The following LAMB4 variants were observed in gnomAD, a reference collection of about 807,000 sequenced individuals.
LAMB4 encodes the protein laminin subunit beta 4.
In LAMB4, 196 loss-of-function variants were observed where a neutral mutation model predicts 199.2. The observed-to-expected ratio is 0.98, with a 90% CI of 0.88 to 1.11. The LOEUF (loss-of-function observed/expected upper bound fraction) is 1.11. Ranked by LOEUF, LAMB4 falls within the 50% of genes least tolerant of loss-of-function variation. The pLI is 0.00. For missense variants in LAMB4, 2,080 were observed against 2,171.2 expected (o/e 0.96, Z 0.83); for synonymous variants, 744 against 770.6 (o/e 0.97, Z 0.57).
At chr7:108,048,158 C>CTTTT (rs747991620) in intron 27 of LAMB4, 47 bp from the exon 28 acceptor site, 280 of 463,194 alleles carry the variant, frequency 6.0e-4, no homozygotes, top group African/African-American at 5.9e-3. Context: ...GTTGTCAGAG[C>CTTTT]TTTTTTTTTT....
chr7:108,073,039 C>A (rs909080387), intron 17 of LAMB4, among the ~76,000 whole-genome samples: 1 of 152,208 alleles, frequency 6.6e-6, no homozygotes, highest in African/African-American at 2.4e-5. Context: ...GAGTCTTGCT[C>A]TGCTGCCCAG....
chr7:108,078,902 G>C (rs1392824811), intron 15 of LAMB4, among the ~76,000 whole-genome samples: 1 of 152,208 alleles, frequency 6.6e-6, no homozygotes, highest in Non-Finnish European at 1.5e-5. Context: ...TTTCAAAGCA[G>C]ATCAGCTGCT....
At chr7:108,072,442 T>A (rs957032908) in intron 17 of LAMB4, among the ~76,000 whole-genome samples, 1 of 152,244 alleles carries the variant, frequency 6.6e-6, no homozygotes, top group African/African-American at 2.4e-5. Flanking sequence ...AAGTCATGTA[T>A]GCAGATAGGC....
In LAMB4 at chr7:108,066,494, C is replaced by G. The variant is rs777749401; in HGVS notation, c.2553G>C (p.Leu851=). ...EVSGRRCDRC[L]AGYFGFPSCH... ...AGCTGGGAAATCCAAAGTAGCCTGC[C>G]AGGCAGCGATCACAGCGGCGGCCAG... Residue 851 remains leucine (L), a synonymous_variant, in exon 20 of 34, where the codon CTG becomes CTC. Coordinates refer to ENST00000388781, the MANE Select transcript of LAMB4 (RefSeq NM_007356.3). The G allele has an allele frequency of 1.2e-6, 2 of 1,614,150 alleles. No homozygotes were observed. The highest frequency in any genetic ancestry group is 1.7e-6 in the Non-Finnish European group (2 of 1,180,018).
chr7:108,062,659 T>C (rs2036203542), intron 23 of LAMB4, 115 bp downstream of exon 23: 3 of 557,868 alleles, frequency 5.4e-6, no homozygotes, highest in African/African-American at 2.0e-5. Flanking sequence ...GCCAATCCTG[T>C]TTCAATGCAC....
In LAMB4 at chr7:108,049,399, G is replaced by T. The variant is rs10260756; in HGVS notation, c.4049C>A (p.Thr1350Asn). The change falls in exon 27 of 34, where the codon ACC becomes AAC. Residue 1350 changes from threonine to asparagine, a missense_variant. Transcript: ENST00000388781. ...TTCCAATGACAAGTTTCCTTTTGAG[G>T]TTAGTGTATCTAAGATGGTAAGTAA... is the stretch of plus-strand genomic sequence containing the variant. ...NDLLTILDTL[T>N]SKGNLSLERL... 61,766 of 1,592,744 alleles carry T rather than the reference G, an allele frequency of 0.039. 11,783 individuals are homozygous for T. The African/African-American group carries it at 0.55, about 14-fold the overall frequency.
At chr7:108,066,658 A>G in intron 19 of LAMB4, 58 bp from the exon 20 acceptor site, 1 of 1,134,790 alleles carries the variant, frequency 8.8e-7, no homozygotes. Flanking sequence ...TGGTGGTGAA[A>G]GAGTTACAGT....
chr7:108,048,157 GC>G, intron 27 of LAMB4, 46 bp from the exon 28 acceptor site: 19 of 649,482 alleles, frequency 2.9e-5, no homozygotes, highest in Admixed American at 9.4e-5. Context: ...TGTTGTCAGA[GC>G]TTTTTTTTTT....
At chr7:108,031,331 C>CAAAAAAAAAAA (rs60572529) in intron 31 of LAMB4, among the ~76,000 whole-genome samples, 8 of 14,688 alleles carry the variant, frequency 5.4e-4, no homozygotes, top group African/African-American at 1.2e-3. Flanking sequence ...TCAACAATAA[C>CAAAAAAAAAAA]AAAAAAAAAA....
chr7:108,106,528 AGG>A lies in LAMB4; in HGVS notation c.634_635del (p.Pro212LeufsTer2). 6.3e-7 allele frequency: 1 copy of A among 1,584,002 alleles called. No homozygotes were observed. Among genetic ancestry groups the A allele is most frequent in the Non-Finnish European group, 8.7e-7 (1 of 1,154,646 alleles). ...TCATACCTTGGATGTAGGGGCTATA[AGG>A]GTTTTCAATTTCAAAACTGGGATCC... The part of the protein sequence containing the change: ...VLDPSFEIEN[P>X]YSPYIQDLVT... On this transcript the variant is annotated frameshift_variant, in exon 7 of 34. Coordinates refer to ENST00000388781, the MANE Select transcript of LAMB4 (RefSeq NM_007356.3). LOFTEE classifies it high-confidence loss of function.
At chr7:108,086,768 G>A (rs2037195360) in intron 14 of LAMB4, among the ~76,000 whole-genome samples, 2 of 152,182 alleles carry the variant, frequency 1.3e-5, no homozygotes, top group Non-Finnish European at 2.9e-5. Flanking sequence ...TTCTCAGAGT[G>A]CTGTCATGAA....
At chr7:108,058,815 C>T (rs971590875) in intron 23 of LAMB4, among the ~76,000 whole-genome samples, 1 of 152,098 alleles carries the variant, frequency 6.6e-6, no homozygotes, top group African/African-American at 2.4e-5. Flanking sequence ...CACCACCACA[C>T]CCGGCAATTT....
chr7:108,105,570 C>T (rs1345631077), intron 8 of LAMB4, among the ~76,000 whole-genome samples: 1 of 152,166 alleles, frequency 6.6e-6, no homozygotes, highest in African/African-American at 2.4e-5. Context: ...ATCTTGAAAT[C>T]CTAAAGTATA....
chr7:108,055,895 TC>T lies in LAMB4; in HGVS notation c.3491del (p.Gly1164AspfsTer33), dbSNP rs1414901556. On this transcript the variant is annotated frameshift_variant, in exon 25 of 34. Transcript: ENST00000388781. LOFTEE classifies it high-confidence loss of function. ...SGQRCDRCAR[G>X]HSQEFPTCLQ... Reference sequence around the variant, plus strand: ...GACAAGTAGGGAATTCCTGGCTGTGTCCCCGGGCACAGCGATCACATCTCTG... The same window carrying T: ...GACAAGTAGGGAATTCCTGGCTGTGTCCCGGGCACAGCGATCACATCTCTG... The T allele has an allele frequency of 4.3e-6, 7 of 1,613,982 alleles. No individual in the cohort carries two copies. Among genetic ancestry groups the T allele is most frequent in the East Asian group, 4.5e-5 (2 of 44,884 alleles).
At position 108,109,200 on chromosome 7, in the gene LAMB4, G is replaced by A. The variant is rs1041414973; in HGVS notation, c.373C>T (p.Arg125Trp). ...AAGGTCAGGATAAGGTGGCTGAACC[G>A]AAATAATGCCTCTAAGTCCAGTCTG... is the stretch of plus-strand genomic sequence containing the variant. ...SIRLDLEALF[R>W]FSHLILTFKT... The change falls in exon 5 of 34, where the codon CGG (arginine) becomes TGG (tryptophan). Residue 125 changes from arginine to tryptophan, a missense_variant. By Grantham distance (101) the Arg-to-Trp change is moderately radical. Coordinates refer to ENST00000388781, the MANE Select transcript of LAMB4 (RefSeq NM_007356.3). 3.0e-5 allele frequency: 49 copies of A among 1,613,384 alleles called. No individual in the cohort carries two copies. Among genetic ancestry groups the A allele is most frequent in the African/African-American group, 4.0e-5 (3 of 74,908 alleles).
rs182485511 is a variant in LAMB4, at chr7:108,112,150, A to G, written c.193-204T>C. Among the ~76,000 whole-genome samples the G allele has an allele frequency of 1.3e-4, 20 of 152,354 alleles. 1 individual carries two copies. In the East Asian group the frequency reaches 3.9e-3, roughly 29 times the overall value. ...ATGAACTAAAATTTTATAAATTTATACATTTGGAATAAAAATGCAAATTTA... is the reference window on the plus strand; with the variant it reads ...ATGAACTAAAATTTTATAAATTTATGCATTTGGAATAAAAATGCAAATTTA... On this transcript the variant is annotated intron_variant, in intron 3 of 33. Transcript: ENST00000388781.
intron 17 of LAMB4, among the ~76,000 whole-genome samples, chr7:108,073,995 T>C (rs2150568618): frequency 6.6e-6 from 1 of 152,306 alleles, no homozygotes; most frequent in East Asian, 1.9e-4. Flanking sequence ...TGAGCATTTA[T>C]AAGGCACTGC....
intron 33 of LAMB4, among the ~76,000 whole-genome samples, chr7:108,026,277 G>A (rs892737501): frequency 5.3e-5 from 8 of 152,252 alleles, no homozygotes; most frequent in Non-Finnish European, 1.0e-4. Flanking sequence ...CCACGCCCCC[G>A]AATCTGGACT....
intron 33 of LAMB4, among the ~76,000 whole-genome samples, chr7:108,027,296 A>T (rs1196341432): frequency 6.6e-6 from 1 of 152,224 alleles, no homozygotes; most frequent in Admixed American, 6.5e-5. Context: ...TAGTTAAAAT[A>T]ACATTTTAAC....
Sources: allele counts gnomAD v4.1 joint callset (sites outside exome capture counted in the v4.1 genomes callset), GRCh38; gene constraint gnomAD v4.1.1; transcripts MANE v1.5; gene names NCBI Gene and HGNC (gene_info 2026-07-23, HGNC 2026-07-21).